Variants in GIT2 observed in about 807,000 individuals in gnomAD.
GIT2 encodes the protein GIT ArfGAP 2, also known as ARF GTPase-activating protein GIT2.
Under a neutral mutation model 100.3 loss-of-function variants are expected in GIT2, and 32 were observed. That is an observed-to-expected ratio of 0.32 (90% CI 0.24 to 0.43). The LOEUF (loss-of-function observed/expected upper bound fraction) is 0.43. GIT2 is among the 20% of genes least tolerant of loss of function. GIT2 has a pLI of 1.00. For missense variants in GIT2, 737 were observed against 975.1 expected, an observed-to-expected ratio of 0.76 and a Z score of 3.25; for synonymous variants, 353 against 364.1, an observed-to-expected ratio of 0.97 and a Z score of 0.35.
At chr12:109,961,550 C>T (rs1881094505) in intron 10 of GIT2, 63 bp downstream of exon 10, 6 of 1,112,054 alleles carry the variant, frequency 5.4e-6, no homozygotes, top group Non-Finnish European at 8.3e-6. Flanking sequence ...AAACACTGAG[C>T]CTGGCAGCTT....
intron 7 of GIT2, among the ~76,000 whole-genome samples, chr12:109,978,692 T>C (rs1265189148): frequency 6.6e-6 from 1 of 152,250 alleles, no homozygotes; most frequent in East Asian, 1.9e-4. Context: ...ATATTCCTAT[T>C]TGGTTCTCTT....
In GIT2 at chr12:109,933,216, C is replaced by T. The variant is rs770681626; in HGVS notation, c.2068-26G>A. Reference sequence around the variant, plus strand: ...CTAAAAGGAAAAAGACAGCCGTTTACCCTGAACTGCAGGGCAGACATCCAA... The same window carrying T: ...CTAAAAGGAAAAAGACAGCCGTTTATCCTGAACTGCAGGGCAGACATCCAA... On this transcript the variant is annotated intron_variant, in intron 19 of 19. Transcript: ENST00000355312. The surrounding 1 kb of genome is among the most constrained non-coding windows in gnomAD (Gnocchi z 4.5). 4.7e-5 allele frequency: 61 copies of T among 1,308,042 alleles called. No individual in the cohort carries two copies. Among genetic ancestry groups the T allele is most frequent in the Non-Finnish European group, 4.4e-5 (41 of 925,098 alleles). 81.0% of individuals were successfully genotyped at this position (1,308,042 alleles called of 1,614,324 possible). A position where few individuals can be genotyped will look rare whatever the true frequency, so the allele number is the denominator to read the frequency against.
intron 16 of GIT2, chr12:109,939,973 T>C (rs16940710): frequency 6.6e-6 from 1 of 152,084 alleles, no homozygotes; most frequent in Non-Finnish European, 1.5e-5. Flanking sequence ...TTGAGCCCCA[T>C]ATGAGAAAAT....
chr12:109,976,047 G>C (rs1002146446), intron 7 of GIT2, among the ~76,000 whole-genome samples: 18 of 151,436 alleles, frequency 1.2e-4, no homozygotes, highest in African/African-American at 4.4e-4. Flanking sequence ...TGGGATTACA[G>C]GCACTACACC....
chr12:109,946,518 A>G (rs1393357351), intron 15 of GIT2, among the ~76,000 whole-genome samples: 3 of 152,254 alleles, frequency 2.0e-5, no homozygotes, highest in Admixed American at 6.5e-5. Context: ...CAGAAGAAAT[A>G]TATTTGAAAA....
intron 7 of GIT2, among the ~76,000 whole-genome samples, chr12:109,974,022 A>T (rs1484339436): frequency 6.6e-6 from 1 of 152,064 alleles, no homozygotes; most frequent in Non-Finnish European, 1.5e-5. Flanking sequence ...AGCCTGGGTG[A>T]CAGAGCAAGA....
chr12:109,934,201 C>T lies in GIT2; in HGVS notation c.2004-116G>A, dbSNP rs1156446580. ...TCCCTTCATGAAGGGGCTAGGGCTG[C>T]AGTCAGCCGTGCATCCCACACCACC... On this transcript the variant is annotated intron_variant, in intron 18 of 19. Coordinates refer to ENST00000355312, the MANE Select transcript of GIT2 (RefSeq NM_057169.5). The surrounding 1 kb of genome is among the most constrained non-coding windows in gnomAD (Gnocchi z 4.5). The T allele has an allele frequency of 2.9e-6, 2 of 695,870 alleles. No individual in the cohort carries two copies. The highest frequency in any genetic ancestry group is 1.5e-5 in the South Asian group (1 of 64,862). The allele number at this position is 695,870 out of a possible 1,614,324, so 43.1% of individuals were successfully genotyped here.
rs1455510359 is a variant in GIT2 at position 109,996,351 on chromosome 12, G to T, written c.-127C>A. ...TGACGGCGGCGCCTCTCCCCTCAGC[G>T]CCTTGCAGCCTTGGCACAGCACGCA... On this transcript the variant is annotated 5_prime_UTR_variant, in exon 1 of 20. Coordinates refer to ENST00000355312, the MANE Select transcript of GIT2 (RefSeq NM_057169.5). 2 of 624,298 alleles carry T rather than the reference G, an allele frequency of 3.2e-6. No homozygotes were observed. Among genetic ancestry groups the T allele is most frequent in the South Asian group, 2.0e-5 (1 of 50,306 alleles). 38.7% of individuals were successfully genotyped at this position (624,298 alleles called of 1,614,324 possible).
chr12:109,955,566 A>G (rs1879192702), intron 12 of GIT2, among the ~76,000 whole-genome samples: 1 of 152,196 alleles, frequency 6.6e-6, no homozygotes, highest in Non-Finnish European at 1.5e-5. Flanking sequence ...CATAGTATTG[A>G]TTCATTAACA....
rs1026321400 is a variant in GIT2 at position 109,962,147 on chromosome 12, G to A, written c.817-462C>T. ...GCAGGTGGATTGCTTAAGCCCAGGA[G>A]TTCGAGACCAGCCTGGGCAACATGG... is the stretch of plus-strand genomic sequence containing the variant. On this transcript the variant is annotated intron_variant, in intron 9 of 19. Coordinates refer to ENST00000355312, the MANE Select transcript of GIT2 (RefSeq NM_057169.5). The surrounding 1 kb of genome is among the most constrained non-coding windows in gnomAD (Gnocchi z 4.3). Among the ~76,000 whole-genome samples, 2 of 152,276 alleles carry A rather than the reference G, an allele frequency of 1.3e-5. No individual in the cohort carries two copies. Among genetic ancestry groups the A allele is most frequent in the East Asian group, 3.9e-4 (2 of 5,176 alleles).
intron 8 of GIT2, 185 bp from the exon 9 acceptor site, chr12:109,965,762 CCTT>C (rs1285711467): frequency 6.8e-6 from 5 of 738,950 alleles, no homozygotes; most frequent in South Asian, 1.4e-5. Flanking sequence ...GAAAGTAACT[CCTT>C]CTGAAATACC....
rs191867275 is a variant in GIT2, at chr12:109,934,905, G to A, written c.2004-820C>T. Among the ~76,000 whole-genome samples, 317 of 152,152 alleles carry A rather than the reference G, an allele frequency of 2.1e-3. No homozygotes were observed. The highest frequency in any genetic ancestry group is 4.1e-3 in the Admixed American group (63 of 15,286). The stretch of plus-strand genomic sequence containing the variant: ...AGCCTGAACGACATGGTGAAATCCC[G>A]TCTCTACTAAAAATACAAAAAAATT... On this transcript the variant is annotated intron_variant, in intron 18 of 19. Transcript: ENST00000355312. The surrounding 1 kb of genome is among the most constrained non-coding windows in gnomAD (Gnocchi z 4.5).
Position 109,947,773 on chromosome 12 carries a change from A to T in GIT2, c.1393-269T>A, listed in dbSNP as rs1192831187. ...TGGACTTCCTCAAAACAAAATGTCT[A>T]ACCACTTTAAAATTTGTCATGGTGG... On this transcript the variant is annotated intron_variant, in intron 14 of 19. Coordinates refer to ENST00000355312, the MANE Select transcript of GIT2 (RefSeq NM_057169.5). This position sits in a 1 kb window ranked among gnomAD's most constrained non-coding sequence, Gnocchi z 4.3. The T allele has an allele frequency of 1.9e-5, 8 of 410,622 alleles. No individual in the cohort carries two copies. The highest frequency in any genetic ancestry group is 1.2e-4 in the African/African-American group (6 of 49,048). The allele number at this position is 410,622 out of a possible 1,614,324, so 25.4% of individuals were successfully genotyped here. A position where few individuals can be genotyped will look rare whatever the true frequency, so the allele number is the denominator to read the frequency against.
intron 16 of GIT2, among the ~76,000 whole-genome samples, chr12:109,941,529 CTT>C (rs931997843): frequency 6.9e-6 from 1 of 144,126 alleles, no homozygotes. Context: ...TAACTTTTTT[CTT>C]TTTTTTTTTT....
chr12:109,998,887 C>A (rs1889781444), upstream of GIT2: 1 of 152,272 alleles, frequency 6.6e-6, no homozygotes, highest in East Asian at 1.9e-4. Context: ...ACCGGACAAC[C>A]CCCACACAAA....
intron 16 of GIT2, among the ~76,000 whole-genome samples, chr12:109,943,678 T>TA (rs1729932925): frequency 6.6e-6 from 1 of 150,906 alleles, no homozygotes; most frequent in Admixed American, 6.6e-5. Context: ...TTTTTTTTTT[T>TA]AGTACAGTAA....
At chr12:109,938,308 GA>G in intron 18 of GIT2, 71 bp downstream of exon 18, 1 of 1,058,764 alleles carries the variant, frequency 9.4e-7, no homozygotes, top group Middle Eastern at 2.2e-4. Flanking sequence ...CTGCCATTAG[GA>G]ACATGGGCAT....
rs375237480 is a variant in GIT2, at chr12:109,944,775, A to C, written c.1731+485T>G. 7.2e-4 allele frequency among the ~76,000 whole-genome samples: 110 copies of C among 152,150 alleles called. 2 individuals are homozygous for C. The South Asian group carries it at 0.021, about 29-fold the overall frequency. On this transcript the variant is annotated intron_variant, in intron 16 of 19. Transcript: ENST00000355312. Reference sequence around the variant, plus strand: ...CTGATTCAAGATGCAGGGACTTGTAAACCTTGGTTTGTCAGCACTTGTGGT... The same window carrying C: ...CTGATTCAAGATGCAGGGACTTGTACACCTTGGTTTGTCAGCACTTGTGGT...
chr12:109,931,968 G>A lies in GIT2; in HGVS notation c.*1010C>T, dbSNP rs1871718344. 6.6e-6 allele frequency: 1 copy of A among 152,224 alleles called. No homozygotes were observed. Among genetic ancestry groups the A allele is most frequent in the South Asian group, 2.1e-4 (1 of 4,832 alleles). 9.4% of individuals were successfully genotyped at this position (152,224 alleles called of 1,614,324 possible). A position where few individuals can be genotyped will look rare whatever the true frequency, so the allele number is the denominator to read the frequency against. On this transcript the variant is annotated 3_prime_UTR_variant, in exon 20 of 20. Coordinates refer to ENST00000355312, the MANE Select transcript of GIT2 (RefSeq NM_057169.5). ...CGATACGATACATCTTTCCTTATAAGAAGTCCTTAAAGATGATGAAAAATG... is the reference window on the plus strand; with the variant it reads ...CGATACGATACATCTTTCCTTATAAAAAGTCCTTAAAGATGATGAAAAATG...
Sources: gnomAD v4.1 joint callset for allele counts (sites outside exome capture counted in the v4.1 genomes callset) on GRCh38, gnomAD v4.1.1 for gene constraint, Gnocchi (gnomAD v3.1) non-coding constraint, MANE v1.5 for transcripts, NCBI Gene and HGNC (gene_info 2026-07-23, HGNC 2026-07-21) for gene names.